CATSPERQ: variants seen among roughly 807,000 people sequenced by gnomAD.
CATSPERQ encodes catsper channel auxiliary subunit theta, also known as cation channel sperm-associated auxiliary subunit theta.
At chr8:144,353,869 G>A in the CATSPERQ span, 3 of 1,534,236 alleles carry the variant, frequency 2.0e-6, no homozygotes, top group African/African-American at 1.4e-5. Flanking sequence ...GTGGGCTGCG[G>A]GGAGAGCGGA....
the CATSPERQ span, chr8:144,354,183 G>A: frequency 2.6e-6 from 4 of 1,541,792 alleles, no homozygotes; most frequent in Non-Finnish European, 1.7e-6. This position sits in a 1 kb window ranked among gnomAD's most constrained non-coding sequence, Gnocchi z 4.6. Context: ...TGAGCGGCGC[G>A]GGGCCGGCCC....
the CATSPERQ span, chr8:144,354,333 T>G: frequency 6.5e-6 from 10 of 1,532,932 alleles, no homozygotes; most frequent in Non-Finnish European, 8.7e-6. This position sits in a 1 kb window ranked among gnomAD's most constrained non-coding sequence, Gnocchi z 4.6. Flanking sequence ...GCACGAAGAC[T>G]GGGGGTGGCG....
At chr8:144,354,004 C>T in the CATSPERQ span, 1 of 1,535,120 alleles carries the variant, frequency 6.5e-7, no homozygotes, top group Non-Finnish European at 8.7e-7. This position sits in a 1 kb window ranked among gnomAD's most constrained non-coding sequence, Gnocchi z 4.6. Flanking sequence ...GGGGCCCTGG[C>T]ACACGGTGCG....
At chr8:144,353,307 T>C in the CATSPERQ span, 7 of 1,486,942 alleles carry the variant, frequency 4.7e-6, no homozygotes, top group Non-Finnish European at 6.2e-6. Context: ...GGCTGGGAGG[T>C]TACCGAGAAC....
the CATSPERQ span, chr8:144,353,699 A>C: frequency 6.6e-7 from 1 of 1,512,790 alleles, no homozygotes; most frequent in Non-Finnish European, 8.8e-7. Flanking sequence ...TGCGTGCGGA[A>C]ACGGCCCCAC....
chr8:144,353,978 C>G, the CATSPERQ span: 2 of 1,534,152 alleles, frequency 1.3e-6, no homozygotes, highest in African/African-American at 2.7e-5. Flanking sequence ...GCCAGGCGCA[C>G]GTAGACCAGA....
chr8:144,354,374 C>G, the CATSPERQ span: 2 of 1,510,416 alleles, frequency 1.3e-6, no homozygotes, highest in Non-Finnish European at 1.8e-6. The surrounding 1 kb of genome is among the most constrained non-coding windows in gnomAD (Gnocchi z 4.6). Context: ...GCCCTGCCCG[C>G]AGCCGGGGGT....
the CATSPERQ span, chr8:144,354,660 G>A: frequency 6.5e-7 from 1 of 1,533,796 alleles, no homozygotes; most frequent in Non-Finnish European, 8.7e-7. The surrounding 1 kb of genome is among the most constrained non-coding windows in gnomAD (Gnocchi z 4.6). Flanking sequence ...TATTGTTCTT[G>A]AGGCGTCTGG....
At chr8:144,354,365 C>T in the CATSPERQ span, 1 of 1,524,792 alleles carries the variant, frequency 6.6e-7, no homozygotes, top group Non-Finnish European at 8.8e-7. The surrounding 1 kb of genome is among the most constrained non-coding windows in gnomAD (Gnocchi z 4.6). Context: ...GACGCCCCGG[C>T]CCTGCCCGCA....
At chr8:144,354,074 G>A in the CATSPERQ span, 1 of 1,535,310 alleles carries the variant, frequency 6.5e-7, no homozygotes, top group Non-Finnish European at 8.7e-7. This position sits in a 1 kb window ranked among gnomAD's most constrained non-coding sequence, Gnocchi z 4.6. Context: ...CGGCGCCGCG[G>A]CAGCGACGAG....
At chr8:144,353,378 G>C in the CATSPERQ span, 2 of 1,535,244 alleles carry the variant, frequency 1.3e-6, no homozygotes, top group Non-Finnish European at 1.7e-6. Flanking sequence ...GAGAGGAGCT[G>C]GGCTTGTGAC....
At chr8:144,354,487 C>T in the CATSPERQ span, 4 of 1,344,106 alleles carry the variant, frequency 3.0e-6, 1 homozygote, top group South Asian at 3.1e-5. The surrounding 1 kb of genome is among the most constrained non-coding windows in gnomAD (Gnocchi z 4.6). Context: ...CGGCCGGCCC[C>T]ACCCAGGGCC....
At chr8:144,354,129 C>T in the CATSPERQ span, 1 of 1,534,760 alleles carries the variant, frequency 6.5e-7, no homozygotes, top group Non-Finnish European at 8.7e-7. This position sits in a 1 kb window ranked among gnomAD's most constrained non-coding sequence, Gnocchi z 4.6. Context: ...CGAGGAAGAC[C>T]CAGGTCTCTT....
At chr8:144,354,558 T>TAC in the CATSPERQ span, 139 of 504,324 alleles carry the variant, frequency 2.8e-4, no homozygotes, top group Non-Finnish European at 3.9e-4. This position sits in a 1 kb window ranked among gnomAD's most constrained non-coding sequence, Gnocchi z 4.6. Context: ...GTCTCCCTCC[T>TAC]CCCCCGCCCC....
the CATSPERQ span, chr8:144,354,635 C>T: frequency 2.9e-5 from 44 of 1,532,032 alleles, no homozygotes; most frequent in Non-Finnish European, 3.8e-5. The surrounding 1 kb of genome is among the most constrained non-coding windows in gnomAD (Gnocchi z 4.6). Context: ...TCCTGCTGCA[C>T]GAATGGGTAG....
the CATSPERQ span, chr8:144,354,343 G>A: frequency 2.0e-6 from 3 of 1,532,176 alleles, no homozygotes; most frequent in East Asian, 2.4e-5. This position sits in a 1 kb window ranked among gnomAD's most constrained non-coding sequence, Gnocchi z 4.6. Context: ...TGGGGGTGGC[G>A]CGGCGCGTGA....
At chr8:144,353,729 A>G in the CATSPERQ span, 10 of 1,530,668 alleles carry the variant, frequency 6.5e-6, no homozygotes, top group East Asian at 2.4e-4. Flanking sequence ...TTAAACAGTG[A>G]TCGGTGTCAT....
At chr8:144,354,582 C>G in the CATSPERQ span, 2 of 889,128 alleles carry the variant, frequency 2.2e-6, no homozygotes, top group Non-Finnish European at 3.3e-6. This position sits in a 1 kb window ranked among gnomAD's most constrained non-coding sequence, Gnocchi z 4.6. Context: ...CTTCCCAGCC[C>G]CGCCCCGCCC....
At chr8:144,354,741 C>T in the CATSPERQ span, 1 of 1,535,548 alleles carries the variant, frequency 6.5e-7, no homozygotes, top group South Asian at 1.2e-5. The surrounding 1 kb of genome is among the most constrained non-coding windows in gnomAD (Gnocchi z 4.6). Flanking sequence ...AGGTCGTGGG[C>T]AGGCTGCCGG....
Sources: gnomAD v4.1 joint callset for allele counts on GRCh38, gnomAD v4.1.1 for gene constraint, Gnocchi (gnomAD v3.1) non-coding constraint, MANE v1.5 for transcripts, NCBI Gene and HGNC (gene_info 2026-07-23, HGNC 2026-07-21) for gene names.